The following DIPK1A variants were observed in gnomAD, a reference collection of about 807,000 sequenced individuals.
DIPK1A encodes family with sequence similarity 69 member A.
A neutral mutation model predicts 40.8 loss-of-function variants in DIPK1A; 27 were observed. The ratio of observed to expected loss-of-function variants is 0.66; its 90% CI spans 0.49 to 0.91. The LOEUF (loss-of-function observed/expected upper bound fraction) is 0.91, where lower values mean the gene tolerates loss of function less well. Ranked by LOEUF, DIPK1A falls within the 40% of genes least tolerant of loss-of-function variation. The pLI is 0.00. For missense variants in DIPK1A, 412 were observed against 505.7 expected, an observed-to-expected ratio of 0.81 and a Z score of 1.78; for synonymous variants, 166 against 171.3, an observed-to-expected ratio of 0.97 and a Z score of 0.24.
intron 2 of DIPK1A, among the ~76,000 whole-genome samples, chr1:92,867,327 T>C (rs1419896141): frequency 2.0e-5 from 3 of 151,794 alleles, no homozygotes; most frequent in African/African-American, 7.3e-5. Flanking sequence ...GTGCTGGGAT[T>C]ACAGGCATGG....
At chr1:92,928,451 T>C (rs1010204097) in intron 1 of DIPK1A, among the ~76,000 whole-genome samples, 1 of 152,244 alleles carries the variant, frequency 6.6e-6, no homozygotes, top group African/African-American at 2.4e-5. Flanking sequence ...TCAAATTTAT[T>C]CACTGATTTG....
intron 1 of DIPK1A, among the ~76,000 whole-genome samples, chr1:92,921,557 C>T (rs1387708339): frequency 1.3e-5 from 2 of 152,122 alleles, no homozygotes; most frequent in African/African-American, 2.4e-5. Context: ...GACAGGAGGA[C>T]GGTGGGACCT....
intron 1 of DIPK1A, among the ~76,000 whole-genome samples, chr1:92,921,691 C>T (rs1650275238): frequency 2.6e-5 from 4 of 152,118 alleles, no homozygotes; most frequent in Non-Finnish European, 4.4e-5. Flanking sequence ...GAACAGGATC[C>T]AAAGTGAAGG....
rs1240764079 is a variant in DIPK1A, at chr1:92,876,465, C to G, written c.55-35G>C. 3.1e-6 allele frequency: 5 copies of G among 1,608,674 alleles called. No homozygotes were observed. The South Asian group carries it at 5.5e-5, about 18-fold the overall frequency. ...AAAAAGAACATAACGATCATTCATT[C>G]AGCACCAAATCAGCATTCAATGTCC... On this transcript the variant is annotated intron_variant, in intron 1 of 4. Transcript: ENST00000370310.
chr1:92,850,815 T>G, intron 3 of DIPK1A, 33 bp downstream of exon 3: 1 of 1,325,912 alleles, frequency 7.5e-7, no homozygotes, highest in Non-Finnish European at 1.0e-6. Flanking sequence ...GAGTACACTA[T>G]AATTCTGGAA....
At chr1:92,912,423 C>T (rs976253124) in intron 1 of DIPK1A, among the ~76,000 whole-genome samples, 3 of 151,848 alleles carry the variant, frequency 2.0e-5, no homozygotes, top group African/African-American at 7.3e-5. Flanking sequence ...ATATGCCAAA[C>T]ATTAATGTAA....
Position 92,842,969 on chromosome 1 carries a change from C to T in DIPK1A, c.*414G>A. 4.0e-6 allele frequency: 4 copies of T among 989,872 alleles called. No homozygotes were observed. Among genetic ancestry groups the T allele is most frequent in the Non-Finnish European group, 4.8e-6 (4 of 832,836 alleles). The allele number at this position is 989,872 out of a possible 1,614,324, so 61.3% of individuals were successfully genotyped here. ...ATTTCTGTTAATGTGCAAACTTTAC[C>T]ATGCTAAGACATTAGTAAATTTATA... On this transcript the variant is annotated 3_prime_UTR_variant, in exon 5 of 5. Transcript: ENST00000370310.
intron 1 of DIPK1A, among the ~76,000 whole-genome samples, chr1:92,895,054 C>T (rs1649097114): frequency 6.6e-6 from 1 of 152,084 alleles, no homozygotes; most frequent in South Asian, 2.1e-4. Flanking sequence ...GATGGACTCA[C>T]AGCCAAATTC....
chr1:92,952,395 C>T (rs1040494680), intron 1 of DIPK1A, among the ~76,000 whole-genome samples: 26 of 152,094 alleles, frequency 1.7e-4, no homozygotes, highest in Admixed American at 1.4e-3. Flanking sequence ...CAAGGTGGGC[C>T]GACTGCTTGA....
chr1:92,933,002 G>C (rs1650817536), intron 1 of DIPK1A: 1 of 152,358 alleles, frequency 6.6e-6, no homozygotes, highest in African/African-American at 2.4e-5. Context: ...GAGGGATGTT[G>C]ATAGTGGAGG....
At position 92,844,072 on chromosome 1, in the gene DIPK1A, G is replaced by T; in HGVS notation, c.598C>A (p.Leu200Met). Reference sequence around the variant, plus strand: ...ATCACCATGAGAAGAAATTCATTCAGTTGAAGAAGTGCCCATGCCGACTTT... The same window carrying T: ...ATCACCATGAGAAGAAATTCATTCATTTGAAGAAGTGCCCATGCCGACTTT... ...EAKSAWALLQ[L>M]NEFLLMVILQ... Residue 200 changes from leucine (L) to methionine (M), a missense_variant, in exon 5 of 5, where the codon CTG becomes ATG. Leu to Met is a conservative substitution (Grantham distance 15). Coordinates refer to ENST00000370310, the MANE Select transcript of DIPK1A (RefSeq NM_001006605.5). 1 of 1,551,958 alleles carries T rather than the reference G, an allele frequency of 6.4e-7. No homozygotes were observed. The highest frequency in any genetic ancestry group is 8.7e-7 in the Non-Finnish European group (1 of 1,147,050).
intron 2 of DIPK1A, among the ~76,000 whole-genome samples, chr1:92,864,057 AAAAAACCAAAAAAC>A (rs1215723194): frequency 2.0e-5 from 3 of 152,194 alleles, no homozygotes; most frequent in Non-Finnish European, 4.4e-5. Flanking sequence ...CTCCATCTCA[AAAAAACCAAAAAAC>A]AAAAACAAAA....
At chr1:92,893,262 G>A (rs968232800) in intron 1 of DIPK1A, among the ~76,000 whole-genome samples, 1 of 150,980 alleles carries the variant, frequency 6.6e-6, no homozygotes, top group Non-Finnish European at 1.5e-5. Context: ...GAAAGGTCAG[G>A]TTACCCACAA....
At chr1:92,876,271 T>C (rs954888354) in intron 2 of DIPK1A, 25 bp downstream of exon 2, 5 of 1,431,126 alleles carry the variant, frequency 3.5e-6, no homozygotes, top group Non-Finnish European at 4.7e-6. Context: ...GGCTTTTTAG[T>C]AAACAGGAAA....
At chr1:92,926,725 T>C (rs145141687) in intron 1 of DIPK1A, among the ~76,000 whole-genome samples, 5 of 152,350 alleles carry the variant, frequency 3.3e-5, no homozygotes, top group African/African-American at 4.8e-5. Flanking sequence ...GTCTTTCTGA[T>C]ATATTGAGTT....
At chr1:92,900,428 T>C (rs1300901749) in intron 1 of DIPK1A, among the ~76,000 whole-genome samples, 1 of 152,182 alleles carries the variant, frequency 6.6e-6, no homozygotes, top group African/African-American at 2.4e-5. Flanking sequence ...TTCATTGACT[T>C]CTTCAGCTGC....
intron 1 of DIPK1A, among the ~76,000 whole-genome samples, chr1:92,909,786 A>G (rs1020051004): frequency 6.6e-6 from 1 of 152,228 alleles, no homozygotes; most frequent in Admixed American, 6.5e-5. Context: ...AACAGCAATC[A>G]TTTTAAGTAA....
Position 92,875,313 on chromosome 1 carries a change from ACT to A in DIPK1A, c.189+981_189+982del, listed in dbSNP as rs142405641. Among the ~76,000 whole-genome samples, 917 of 152,280 alleles carry A rather than the reference ACT, an allele frequency of 6.0e-3. 7 individuals are homozygous for A. Among genetic ancestry groups the A allele is most frequent in the African/African-American group, 0.021 (884 of 41,540 alleles). ...CCACTGGCCTGGGTAAAGAGTAGCT[ACT>A]CAACAACTATAGAATCTTTAACAAG... On this transcript the variant is annotated intron_variant, in intron 2 of 4. Transcript: ENST00000370310.
chr1:92,877,798 A>T (rs945362588), intron 1 of DIPK1A, among the ~76,000 whole-genome samples: 4 of 152,230 alleles, frequency 2.6e-5, no homozygotes, highest in African/African-American at 9.6e-5. Flanking sequence ...TGTTTGAAAG[A>T]TATTTAAGAT....
Sources: gnomAD v4.1 joint callset for allele counts (sites outside exome capture counted in the v4.1 genomes callset) on GRCh38, gnomAD v4.1.1 for gene constraint, MANE v1.5 for transcripts, NCBI Gene and HGNC (gene_info 2026-07-23, HGNC 2026-07-21) for gene names.